The following KIAA1614 variants were observed in gnomAD, a reference collection of about 807,000 sequenced individuals.
KIAA1614 encodes the protein uncharacterized protein KIAA1614.
Under a neutral mutation model 88.7 loss-of-function variants are expected in KIAA1614, and 76 were observed. That is an observed-to-expected ratio of 0.86 (90% CI 0.71 to 1.04). KIAA1614 has a LOEUF of 1.04. Among genes scored for constraint, KIAA1614 ranks in the 50% least tolerant of loss-of-function variants. The pLI is 0.00. For synonymous variants in KIAA1614, 714 were observed against 675.5 expected (o/e 1.06, Z -0.88); for missense variants, 1,553 against 1,582.5 (o/e 0.98, Z 0.32).
chr1:180,916,911 G>C lies in KIAA1614; in HGVS notation c.808G>C (p.Ala270Pro), dbSNP rs764205467. ...TSEEVFVPRT[A>P]LLGERWRAGD... ...CGAGGAGGTCTTTGTCCCCAGGACG[G>C]CCCTGCTGGGTGAGCGCTGGAGAGC... The change falls in exon 2 of 9, where the codon GCC becomes CCC. Residue 270 changes from alanine (A) to proline (P), a missense_variant. Transcript: ENST00000367588. The C allele has an allele frequency of 1.7e-5, 28 of 1,614,126 alleles. No individual in the cohort carries two copies. The highest frequency in any genetic ancestry group is 1.4e-5 in the Non-Finnish European group (17 of 1,180,056).
intron 3 of KIAA1614, among the ~76,000 whole-genome samples, chr1:180,919,307 G>A (rs917247898): frequency 2.0e-5 from 3 of 152,120 alleles, no homozygotes; most frequent in Admixed American, 1.3e-4. Flanking sequence ...AATCACAGTT[G>A]CCTCCCCTTC....
chr1:180,917,004 C>A lies in KIAA1614; in HGVS notation c.901C>A (p.Arg301Ser), dbSNP rs79485039. 6.2e-7 allele frequency: 1 copy of A among 1,614,050 alleles called. No homozygotes were observed. The highest frequency in any genetic ancestry group is 8.5e-7 in the Non-Finnish European group (1 of 1,180,048). The stretch of plus-strand genomic sequence containing the variant: ...CCTGTCTGATCGGGTGGAGAGAAAC[C>A]GCCTGTTGCTGCAGGAGATGCTCAA... ...LSLSDRVERN[R>S]LLLQEMLNVS... Residue 301 changes from arginine (R) to serine (S), a missense_variant, in exon 2 of 9, where the codon CGC (arginine) becomes AGC (serine). By Grantham distance (110) the Arg-to-Ser change is moderately radical. Transcript: ENST00000367588.
intron 8 of KIAA1614, chr1:180,944,998 G>A: frequency 2.5e-6 from 1 of 404,074 alleles, no homozygotes; most frequent in Non-Finnish European, 4.4e-6. Context: ...CTGGAAATGT[G>A]ACATAAAGTT....
rs1653688956 is a variant in KIAA1614, at chr1:180,913,077, C to A, written c.-167C>A. The A allele has an allele frequency of 5.1e-6, 2 of 390,154 alleles. No homozygotes were observed. The highest frequency in any genetic ancestry group is 8.5e-5 in the East Asian group (2 of 23,548). The allele number at this position is 390,154 out of a possible 1,614,324, so 24.2% of individuals were successfully genotyped here. A position where few individuals can be genotyped will look rare whatever the true frequency, so the allele number is the denominator to read the frequency against. Reference sequence around the variant, plus strand: ...GGCTGCCAGCAGAGCCGGGAGCTGGCCCGGCCTCGGCGCCGTCCCGGACCC... The same window carrying A: ...GGCTGCCAGCAGAGCCGGGAGCTGGACCGGCCTCGGCGCCGTCCCGGACCC... On this transcript the variant is annotated 5_prime_UTR_variant, in exon 1 of 9. Coordinates refer to ENST00000367588, the MANE Select transcript of KIAA1614 (RefSeq NM_020950.2).
At chr1:180,927,799 T>C (rs1654103309) in intron 3 of KIAA1614, among the ~76,000 whole-genome samples, 1 of 152,190 alleles carries the variant, frequency 6.6e-6, no homozygotes, top group African/African-American at 2.4e-5. Context: ...TCCAGCTTAA[T>C]TTCTCTCAGC....
In KIAA1614 at chr1:180,936,085, G is replaced by T. The variant is rs780174951; in HGVS notation, c.2176G>T (p.Gly726Ter). 14 of 1,614,098 alleles carry T rather than the reference G, an allele frequency of 8.7e-6. No homozygotes were observed. The highest frequency in any genetic ancestry group is 1.2e-5 in the Non-Finnish European group (14 of 1,180,038). The change falls in exon 5 of 9, where the codon GGA becomes TGA. Residue 726 changes from glycine to a stop codon, truncating the protein, a stop_gained. Transcript: ENST00000367588. LOFTEE classifies it high-confidence loss of function. ...RVSLGPQWQP[G>*]PGLGSHQPHP... ...GTCCCTGGGACCCCAGTGGCAGCCT[G>T]GACCAGGGCTGGGAAGTCACCAGCC... is the stretch of plus-strand genomic sequence containing the variant.
At chr1:180,931,341 T>C (rs560049312) in intron 4 of KIAA1614, among the ~76,000 whole-genome samples, 1 of 152,192 alleles carries the variant, frequency 6.6e-6, no homozygotes, top group South Asian at 2.1e-4. Flanking sequence ...GTACATCACA[T>C]TGATTGTGTG....
chr1:180,945,427 C>A lies in KIAA1614; in HGVS notation c.3412C>A (p.Arg1138Ser). 1 of 1,608,632 alleles carries A rather than the reference C, an allele frequency of 6.2e-7. No individual in the cohort carries two copies. The highest frequency in any genetic ancestry group is 8.5e-7 in the Non-Finnish European group (1 of 1,178,416). The change falls in exon 9 of 9, where the codon CGC (arginine) becomes AGC (serine). Residue 1138 changes from arginine (R) to serine (S), a missense_variant. Physicochemically the swap from Arg to Ser is moderately radical, Grantham distance 110 (BLOSUM62 -1). Coordinates refer to ENST00000367588, the MANE Select transcript of KIAA1614 (RefSeq NM_020950.2). The stretch of plus-strand genomic sequence containing the variant: ...CGGCACCAGCCAGCTGCAGCTGCAG[C>A]GCTCCCCAGGGGGCACTTTCGGCTT... The part of the protein sequence containing the change: ...PDGTSQLQLQ[R>S]SPGGTFGFCV...
Position 180,935,858 on chromosome 1 carries a change from G to C in KIAA1614, c.1949G>C (p.Arg650Pro), listed in dbSNP as rs762828590. ...TQGSSPRLRL[R>P]GSRPRGHRWS... ...GGCAGCAGCCCGCGACTGCGACTGC[G>C]GGGCTCCAGGCCTCGAGGCCACAGG... Residue 650 changes from arginine to proline, a missense_variant, in exon 5 of 9, where the codon CGG becomes CCG. Physicochemically the swap from Arg to Pro is moderately radical, Grantham distance 103. Transcript: ENST00000367588. The surrounding 1 kb of genome is among the most constrained non-coding windows in gnomAD (Gnocchi z 6.1). 9 of 1,613,586 alleles carry C rather than the reference G, an allele frequency of 5.6e-6. No homozygotes were observed. The highest frequency in any genetic ancestry group is 1.1e-5 in the South Asian group (1 of 91,084).
In KIAA1614 at chr1:180,935,860, G is replaced by C. The variant is rs1304202679; in HGVS notation, c.1951G>C (p.Gly651Arg). 1 of 1,613,760 alleles carries C rather than the reference G, an allele frequency of 6.2e-7. No individual in the cohort carries two copies. The highest frequency in any genetic ancestry group is 2.2e-5 in the East Asian group (1 of 44,874). ...CAGCAGCCCGCGACTGCGACTGCGG[G>C]GCTCCAGGCCTCGAGGCCACAGGTG... Reference protein sequence around the residue: ...QGSSPRLRLRGSRPRGHRWSK... With the variant: ...QGSSPRLRLRRSRPRGHRWSK... The change falls in exon 5 of 9, where the codon GGC (glycine) becomes CGC (arginine). Residue 651 changes from glycine (G) to arginine (R), a missense_variant. Transcript: ENST00000367588. The surrounding 1 kb of genome is among the most constrained non-coding windows in gnomAD (Gnocchi z 6.1).
At chr1:180,938,302 G>A (rs190764478) in intron 5 of KIAA1614, among the ~76,000 whole-genome samples, 1 of 152,344 alleles carries the variant, frequency 6.6e-6, no homozygotes, top group East Asian at 1.9e-4. Flanking sequence ...GGTTACAGCA[G>A]TCAACAAGAC....
At chr1:180,928,808 TG>T (rs11292146) in intron 4 of KIAA1614, among the ~76,000 whole-genome samples, 103,535 of 152,092 alleles carry the variant, frequency 0.68, 36,806 homozygotes, top group South Asian at 0.8. Flanking sequence ...TCTGGATCCC[TG>T]GGGGGATGGA....
Position 180,936,654 on chromosome 1 carries a change from G to C in KIAA1614, c.2745G>C (p.Leu915=), listed in dbSNP as rs201348973. 2 of 1,548,392 alleles carry C rather than the reference G, an allele frequency of 1.3e-6. No homozygotes were observed. The highest frequency in any genetic ancestry group is 1.4e-5 in the African/African-American group (1 of 73,578). ...GCAGCCGGGAACCGGAGCCGCCCCT[G>C]GAGAACAGCAGAGATGGTAAGGGGC... ...GPCSREPEPP[L]ENSRDGGPQG... The change falls in exon 5 of 9, where the codon CTG becomes CTC. Residue 915 remains leucine (L), a synonymous_variant. Coordinates refer to ENST00000367588, the MANE Select transcript of KIAA1614 (RefSeq NM_020950.2).
Position 180,943,709 on chromosome 1 carries a change from G to A in KIAA1614, c.3160-680G>A, listed in dbSNP as rs1003394288. 6.6e-5 allele frequency among the ~76,000 whole-genome samples: 10 copies of A among 151,664 alleles called. No homozygotes were observed. The East Asian group carries it at 7.8e-4, about 12-fold the overall frequency. On this transcript the variant is annotated intron_variant, in intron 7 of 8. Coordinates refer to ENST00000367588, the MANE Select transcript of KIAA1614 (RefSeq NM_020950.2). ...ATTACAGGCACCCGCCACCATGCCC[G>A]GCTAATTTTTGTAATTTTAGTAGAG...
intron 4 of KIAA1614, among the ~76,000 whole-genome samples, chr1:180,929,822 C>A (rs1427335865): frequency 6.6e-6 from 1 of 152,194 alleles, no homozygotes; most frequent in Non-Finnish European, 1.5e-5. Context: ...GCATGGTGGG[C>A]CTGCTGCATC....
At position 180,946,365 on chromosome 1, in the gene KIAA1614, G is replaced by A. The variant is rs1355689296; in HGVS notation, c.*777G>A. ...TCCTGGCTGCAGGCCTCTGACTGGG[G>A]TGTGCTCTGGGTCTCAATTCAACCC... On this transcript the variant is annotated 3_prime_UTR_variant, in exon 9 of 9. Transcript: ENST00000367588. The A allele has an allele frequency of 2.0e-5, 3 of 152,246 alleles. No homozygotes were observed. The highest frequency in any genetic ancestry group is 4.4e-5 in the Non-Finnish European group (3 of 68,076). The allele number at this position is 152,246 out of a possible 1,614,324, so 9.4% of individuals were successfully genotyped here.
chr1:180,913,397 C>CCGCT, intron 1 of KIAA1614, 104 bp downstream of exon 1: 1 of 685,176 alleles, frequency 1.5e-6, no homozygotes, highest in Non-Finnish European at 2.0e-6. Context: ...GGAAGCGGGC[C>CCGCT]TCCCACGGGC....
intron 4 of KIAA1614, among the ~76,000 whole-genome samples, chr1:180,929,831 T>G (rs1217697002): frequency 6.6e-6 from 1 of 152,038 alleles, no homozygotes; most frequent in African/African-American, 2.4e-5. Flanking sequence ...GCCTGCTGCA[T>G]CAGCCTGTTT....
chr1:180,945,463 T>G lies in KIAA1614; in HGVS notation c.3448T>G (p.Ser1150Ala). Residue 1150 changes from serine (S) to alanine (A), a missense_variant, in exon 9 of 9, where the codon TCT (serine) becomes GCT (alanine). Physicochemically the swap from Ser to Ala is moderately conservative, Grantham distance 99. Coordinates refer to ENST00000367588, the MANE Select transcript of KIAA1614 (RefSeq NM_020950.2). ...PGGTFGFCVA[S>A]GNGRPDSGMP... is the part of the protein sequence containing the mutation. ...GGGCACTTTCGGCTTCTGCGTGGCC[T>G]CTGGGAATGGGCGCCCAGACTCAGG... 1 of 1,612,906 alleles carries G rather than the reference T, an allele frequency of 6.2e-7. No homozygotes were observed. The highest frequency in any genetic ancestry group is 8.5e-7 in the Non-Finnish European group (1 of 1,179,808).
Sources: gnomAD v4.1 joint callset for allele counts (sites outside exome capture counted in the v4.1 genomes callset) on GRCh38, gnomAD v4.1.1 for gene constraint, Gnocchi (gnomAD v3.1) non-coding constraint, MANE v1.5 for transcripts, NCBI Gene and HGNC (gene_info 2026-07-23, HGNC 2026-07-21) for gene names.